Variants in RAB33A observed in about 807,000 individuals in gnomAD.
The protein encoded by RAB33A is RAB33A, member RAS oncogene family, also known as ras-related protein Rab-33A.
RAB33A carries 6 observed loss-of-function variants against 12.0 expected under a neutral mutation model. The ratio of observed to expected loss-of-function variants is 0.50; its 90% CI spans 0.27 to 0.99. RAB33A has a LOEUF of 0.99. Among genes scored for constraint, RAB33A ranks in the 50% least tolerant of loss-of-function variants. The pLI, the probability that RAB33A is intolerant of heterozygous loss-of-function variation, is 0.11. For missense variants in RAB33A, 109 were observed against 192.0 expected, an observed-to-expected ratio of 0.57 and a Z score of 2.55; for synonymous variants, 70 against 82.4, an observed-to-expected ratio of 0.85 and a Z score of 0.81.
the RAB33A span, among the ~76,000 whole-genome samples, chrX:130,113,844 C>G: frequency 5.3e-5 from 6 of 112,283 alleles, 1 homozygote; most frequent in South Asian, 1.8e-3. Flanking sequence ...CTGCACTTCC[C>G]TGCCCCCAGC....
the RAB33A span, chrX:130,165,724 C>T: frequency 5.4e-6 from 5 of 923,541 alleles, no homozygotes; most frequent in Non-Finnish European, 7.7e-6. Context: ...GGTCAAACAC[C>T]GTGAGCCCCG....
At chrX:130,125,292 T>C in the RAB33A span, among the ~76,000 whole-genome samples, 1 of 111,496 alleles carries the variant, frequency 9.0e-6, no homozygotes, top group African/African-American at 3.3e-5. Flanking sequence ...AGTATCTAAA[T>C]ATTTAGACCC....
At chrX:130,162,925 G>A in the RAB33A span, among the ~76,000 whole-genome samples, 2 of 111,885 alleles carry the variant, frequency 1.8e-5, no homozygotes, top group African/African-American at 6.5e-5. Flanking sequence ...GAAGGAGGCA[G>A]AGCATCCAAA....
At chrX:130,146,337 G>A in the RAB33A span, among the ~76,000 whole-genome samples, 4 of 109,263 alleles carry the variant, frequency 3.7e-5, no homozygotes, top group African/African-American at 6.7e-5. Context: ...CTAGCTACTC[G>A]GGAGGCTGAG....
At chrX:130,181,007 C>CAAA (rs60085312) in intron 1 of RAB33A, among the ~76,000 whole-genome samples, 150 of 8,129 alleles carry the variant, frequency 0.018, 49 homozygotes, top group African/African-American at 0.03. Context: ...CAGTCCATCT[C>CAAA]AAAAAAAAAA....
the RAB33A span, chrX:130,149,597 T>C: frequency 9.8e-7 from 1 of 1,023,526 alleles, no homozygotes; most frequent in African/African-American, 1.9e-5. Flanking sequence ...AGAAAGTTTA[T>C]TTCACCATAC....
chrX:130,118,143 G>A, the RAB33A span, among the ~76,000 whole-genome samples: 2 of 112,420 alleles, frequency 1.8e-5, no homozygotes, highest in Non-Finnish European at 3.8e-5. Flanking sequence ...GCCACTGCCC[G>A]GAAGTGTGCA....
chrX:130,145,429 T>C, the RAB33A span: 1 of 951,853 alleles, frequency 1.1e-6, no homozygotes, highest in South Asian at 1.9e-5. Context: ...CCATACTGGC[T>C]GGTGGGCAAG....
At chrX:130,119,584 C>A in the RAB33A span, among the ~76,000 whole-genome samples, 4 of 110,840 alleles carry the variant, frequency 3.6e-5, no homozygotes, top group Non-Finnish European at 7.6e-5. Flanking sequence ...GGAGGAGACA[C>A]CTTGGGGAGG....
chrX:130,134,985 C>T, the RAB33A span, among the ~76,000 whole-genome samples: 3 of 111,469 alleles, frequency 2.7e-5, no homozygotes, highest in Non-Finnish European at 5.6e-5. Flanking sequence ...TGCAAGGAAA[C>T]ACAGGGAAGG....
chrX:130,158,715 A>G, the RAB33A span, among the ~76,000 whole-genome samples: 1 of 108,373 alleles, frequency 9.2e-6, no homozygotes, highest in Non-Finnish European at 1.9e-5. Flanking sequence ...AAAAAAAAAA[A>G]AAAAAAAAAA....
At chrX:130,173,581 A>AGAT (rs1235988485) in intron 1 of RAB33A, among the ~76,000 whole-genome samples, 1 of 112,279 alleles carries the variant, frequency 8.9e-6, no homozygotes, top group Non-Finnish European at 1.9e-5. Flanking sequence ...CCAACTCACT[A>AGAT]GATGTCAGGA....
At chrX:130,133,426 T>G in the RAB33A span, 1 of 1,210,556 alleles carries the variant, frequency 8.3e-7, no homozygotes, top group Admixed American at 2.2e-5. Context: ...TTCCCAACTT[T>G]ATATCGTAGA....
chrX:130,163,425 T>C, the RAB33A span, among the ~76,000 whole-genome samples: 1 of 109,770 alleles, frequency 9.1e-6, no homozygotes, highest in Non-Finnish European at 1.9e-5. Context: ...GAAAAAGAAA[T>C]CAGATTAAAA....
At chrX:130,155,334 C>G in the RAB33A span, 1 of 1,185,968 alleles carries the variant, frequency 8.4e-7, no homozygotes, top group Non-Finnish European at 1.1e-6. Context: ...AAACAGAGTA[C>G]TAAGTATTAA....
In RAB33A at chrX:130,172,078, C is replaced by G. The variant is rs11542874; in HGVS notation, c.16C>G (p.Leu6Val). 22,334 of 1,208,014 alleles carry G rather than the reference C, an allele frequency of 0.018. 157 individuals carry two copies. Among genetic ancestry groups the G allele is most frequent in the Middle Eastern group, 0.05 (215 of 4,325 alleles). The change falls in exon 1 of 2, where the codon CTG (leucine) becomes GTG (valine). Residue 6 changes from leucine to valine, a missense_variant. Transcript: ENST00000257017. ...TCCGGGGGAGATGGCGCAGCCCATC[C>G]TGGGCCATGGGAGCCTGCAGCCCGC... The part of the protein sequence containing the change: MAQPI[L>V]GHGSLQPASA...
the RAB33A span, among the ~76,000 whole-genome samples, chrX:130,121,233 CT>C: frequency 9.2e-6 from 1 of 108,706 alleles, no homozygotes; most frequent in African/African-American, 3.4e-5. Context: ...TCAATCCTTT[CT>C]TTTTTTTCTT....
chrX:130,176,610 T>A (rs771317913), intron 1 of RAB33A, among the ~76,000 whole-genome samples: 1 of 112,635 alleles, frequency 8.9e-6, no homozygotes, highest in African/African-American at 3.2e-5. Flanking sequence ...ACATCATTTC[T>A]TCCTTAGGGC....
At chrX:130,118,209 G>A in the RAB33A span, among the ~76,000 whole-genome samples, 1 of 112,699 alleles carries the variant, frequency 8.9e-6, no homozygotes, top group South Asian at 3.6e-4. Context: ...TTGGAGAGGA[G>A]AGATCAGGAG....
Sources: allele counts gnomAD v4.1 joint callset (sites outside exome capture counted in the v4.1 genomes callset), GRCh38; gene constraint gnomAD v4.1.1; transcripts MANE v1.5; gene names NCBI Gene and HGNC (gene_info 2026-07-23, HGNC 2026-07-21).